Variants in SERAC1 observed in about 807,000 individuals in gnomAD.
The protein encoded by SERAC1 is serine active site containing 1.
SERAC1 carries 36 observed loss-of-function variants against 85.7 expected under a neutral mutation model. The observed-to-expected ratio is 0.42, with a 90% CI of 0.32 to 0.55. SERAC1 has a LOEUF of 0.55. Ranked by LOEUF, SERAC1 falls within the 20% of genes least tolerant of loss-of-function variation. The pLI is 0.11. For synonymous variants in SERAC1, 242 were observed against 265.3 expected (o/e 0.91, Z 0.85); for missense variants, 629 against 796.2 (o/e 0.79, Z 2.53).
rs1437618975 is a variant in SERAC1, at chr6:158,117,898, TA to T, written c.1309-78del. The T allele has an allele frequency of 1.2e-5, 13 of 1,105,976 alleles. No homozygotes were observed. In the African/African-American group the frequency reaches 1.7e-4, roughly 14 times the overall value. 68.5% of individuals were successfully genotyped at this position (1,105,976 alleles called of 1,614,324 possible). On this transcript the variant is annotated intron_variant, in intron 12 of 16. Coordinates refer to ENST00000647468, the MANE Select transcript of SERAC1 (RefSeq NM_032861.4). The surrounding 1 kb of genome is among the most constrained non-coding windows in gnomAD (Gnocchi z 4.3). ...ATTACTGCCTAGTAAATCAAATTTA[TA>T]ACTAAAGGCCTCTTGCACTATAATT... is the stretch of plus-strand genomic sequence containing the variant.
At chr6:158,130,301 G>C in intron 9 of SERAC1, 72 bp downstream of exon 9, 6 of 799,556 alleles carry the variant, frequency 7.5e-6, no homozygotes, top group Non-Finnish European at 1.1e-5. Flanking sequence ...TATTGCCCTT[G>C]CAAAAATCAA....
intron 1 of SERAC1, among the ~76,000 whole-genome samples, chr6:158,167,537 CAA>C (rs71542916): frequency 0.056 from 3,934 of 69,710 alleles, 103 homozygotes; most frequent in African/African-American, 0.18. Context: ...GACTCCATCT[CAA>C]AAAAAAAAAA....
intron 10 of SERAC1, among the ~76,000 whole-genome samples, chr6:158,123,627 C>G (rs1320108870): frequency 6.6e-6 from 1 of 152,164 alleles, no homozygotes; most frequent in Non-Finnish European, 1.5e-5. Flanking sequence ...ATCTCATAAG[C>G]ATGCTGACAA....
chr6:158,126,718 T>C (rs765513114), intron 10 of SERAC1, among the ~76,000 whole-genome samples: 7 of 152,158 alleles, frequency 4.6e-5, no homozygotes, highest in Non-Finnish European at 7.3e-5. Context: ...TCATTAATCA[T>C]AAAATGAATC....
rs1784391823 is a variant in SERAC1 at position 158,120,469 on chromosome 6, T to C, written c.1122A>G (p.Lys374=). The stretch of plus-strand genomic sequence containing the variant: ...GCAGCACATATACGCCATCCTGATA[T>C]TTTTCTTGCACAGTTTCTCGGTCTA... The part of the protein sequence containing the change: ...ANLDRETVQE[K]YQDGVYVLHP... The change falls in exon 11 of 17, where the codon AAA becomes AAG. Residue 374 remains lysine, a synonymous_variant. Coordinates refer to ENST00000647468, the MANE Select transcript of SERAC1 (RefSeq NM_032861.4). This position sits in a 1 kb window ranked among gnomAD's most constrained non-coding sequence, Gnocchi z 4.4. 1.2e-6 allele frequency: 2 copies of C among 1,613,990 alleles called. No individual in the cohort carries two copies. Among genetic ancestry groups the C allele is most frequent in the Non-Finnish European group, 1.7e-6 (2 of 1,179,998 alleles).
At chr6:158,121,002 G>T (rs9356378) in intron 10 of SERAC1, among the ~76,000 whole-genome samples, 21,926 of 152,112 alleles carry the variant, frequency 0.14, 2,500 homozygotes, top group East Asian at 0.43. Context: ...TACAAATGAA[G>T]AAACTATTTC....
chr6:158,146,323 T>G (rs1785053673), intron 6 of SERAC1: 1 of 152,556 alleles, frequency 6.6e-6, no homozygotes, highest in Non-Finnish European at 1.5e-5. Context: ...TTCTTAAAAT[T>G]TTTCAAATAC....
intron 10 of SERAC1, among the ~76,000 whole-genome samples, chr6:158,127,401 C>G (rs1435030109): frequency 2.0e-3 from 94 of 46,528 alleles, no homozygotes; most frequent in Middle Eastern, 7.7e-3. Context: ...CCCGGCCAGC[C>G]GCCCCGTCCG....
chr6:158,130,367 A>G lies in SERAC1; in HGVS notation c.852+6T>C. 1 of 1,446,660 alleles carries G rather than the reference A, an allele frequency of 6.9e-7. No homozygotes were observed. The highest frequency in any genetic ancestry group is 9.3e-7 in the Non-Finnish European group (1 of 1,073,818). 89.6% of individuals were successfully genotyped at this position (1,446,660 alleles called of 1,614,324 possible). ...AAGTAAACTACATTTTGAAAATGTA[A>G]ATTACCTCAGAATGTTTTACTATAG... is the stretch of plus-strand genomic sequence containing the variant. On this transcript the variant is annotated splice_donor_region_variant and intron_variant, in intron 9 of 16. Transcript: ENST00000647468.
intron 1 of SERAC1, chr6:158,162,260 G>C (rs745896276): frequency 1.3e-5 from 2 of 152,134 alleles, no homozygotes; most frequent in Non-Finnish European, 2.9e-5. Flanking sequence ...GATAATAAGG[G>C]AACTACTGTA....
chr6:158,143,296 T>C (rs968602567), intron 7 of SERAC1, 112 bp from the exon 8 acceptor site: 41 of 1,084,990 alleles, frequency 3.8e-5, no homozygotes, highest in Non-Finnish European at 5.1e-5. Flanking sequence ...CCATATATTA[T>C]GTGTGCATGT....
Position 158,114,839 on chromosome 6 carries a change from T to C in SERAC1, c.1634A>G (p.Asn545Ser). The C allele has an allele frequency of 6.2e-7, 1 of 1,614,058 alleles. No individual in the cohort carries two copies. The highest frequency in any genetic ancestry group is 8.5e-7 in the Non-Finnish European group (1 of 1,179,992). Reference protein sequence around the residue: ...HGSRLAEYSVNIRYLLFPSLE... With the variant: ...HGSRLAEYSVSIRYLLFPSLE... ...CGAGGGGAAGAGAAGATAGCGAATA[T>C]TAACAGAGTATTCAGCCAAACGTGA... is the stretch of plus-strand genomic sequence containing the variant. Residue 545 changes from asparagine (N) to serine (S), a missense_variant, in exon 15 of 17, where the codon AAT becomes AGT. Physicochemically the swap from Asn to Ser is conservative, Grantham distance 46. Coordinates refer to ENST00000647468, the MANE Select transcript of SERAC1 (RefSeq NM_032861.4).
At chr6:158,126,802 A>G (rs1191084619) in intron 10 of SERAC1, among the ~76,000 whole-genome samples, 3 of 152,170 alleles carry the variant, frequency 2.0e-5, no homozygotes, top group Non-Finnish European at 4.4e-5. Context: ...GGTAATCTCA[A>G]CACTATGGGA....
intron 1 of SERAC1, among the ~76,000 whole-genome samples, chr6:158,160,048 C>T (rs960648124): frequency 1.3e-5 from 2 of 152,140 alleles, no homozygotes; most frequent in African/African-American, 4.8e-5. Flanking sequence ...TTATACTAGG[C>T]TTGTTAATTT....
intron 1 of SERAC1, among the ~76,000 whole-genome samples, chr6:158,166,645 G>A (rs1403165596): frequency 1.3e-5 from 2 of 152,070 alleles, no homozygotes; most frequent in Non-Finnish European, 1.5e-5. Flanking sequence ...CCATTTACTT[G>A]GGTCATCTTT....
At chr6:158,132,233 A>G (rs571836776) in intron 8 of SERAC1, among the ~76,000 whole-genome samples, 2 of 152,342 alleles carry the variant, frequency 1.3e-5, no homozygotes, top group African/African-American at 4.8e-5. Context: ...AATCCATAAG[A>G]TTCTGCATTT....
intron 8 of SERAC1, among the ~76,000 whole-genome samples, chr6:158,139,552 A>C (rs1784869605): frequency 1.3e-5 from 2 of 152,204 alleles, no homozygotes; most frequent in African/African-American, 4.8e-5. Flanking sequence ...CAAAAAGGAC[A>C]AGTAACCCAA....
At chr6:158,162,649 G>T (rs999717898) in intron 1 of SERAC1, among the ~76,000 whole-genome samples, 5 of 151,918 alleles carry the variant, frequency 3.3e-5, no homozygotes, top group African/African-American at 4.8e-5. Flanking sequence ...TTTTCTATCT[G>T]TCTGACATGC....
At chr6:158,142,004 G>A (rs935772883) in intron 8 of SERAC1, among the ~76,000 whole-genome samples, 2 of 150,964 alleles carry the variant, frequency 1.3e-5, no homozygotes, top group Non-Finnish European at 2.9e-5. Flanking sequence ...GACAAAATAC[G>A]TTCCTCTCAT....
Sources: gnomAD v4.1 joint callset for allele counts (sites outside exome capture counted in the v4.1 genomes callset) on GRCh38, gnomAD v4.1.1 for gene constraint, Gnocchi (gnomAD v3.1) non-coding constraint, MANE v1.5 for transcripts, NCBI Gene and HGNC (gene_info 2026-07-23, HGNC 2026-07-21) for gene names.